Variants in ADAMTS12 observed in about 807,000 individuals in gnomAD.
The protein encoded by ADAMTS12 is A disintegrin and metalloproteinase with thrombospondin motifs 12.
A neutral mutation model predicts 167.8 loss-of-function variants in ADAMTS12; 118 were observed. The ratio of observed to expected loss-of-function variants is 0.70; its 90% CI spans 0.61 to 0.82. ADAMTS12 has a LOEUF of 0.82. Among genes scored for constraint, ADAMTS12 ranks in the 40% least tolerant of loss-of-function variants. ADAMTS12 has a pLI of 0.00. For synonymous variants in ADAMTS12, 704 were observed against 716.9 expected (o/e 0.98, Z 0.29); for missense variants, 1,916 against 1,998.8 (o/e 0.96, Z 0.79).
chr5:33,542,985 CT>C (rs1678213691), intron 22 of ADAMTS12, among the ~76,000 whole-genome samples: 1 of 152,076 alleles, frequency 6.6e-6, no homozygotes, highest in African/African-American at 2.4e-5. Flanking sequence ...AATTCAAAAG[CT>C]AGCAGAAGGC....
intron 3 of ADAMTS12, among the ~76,000 whole-genome samples, chr5:33,717,415 G>A (rs1743653941): frequency 1.3e-5 from 2 of 152,282 alleles, no homozygotes; most frequent in South Asian, 2.1e-4. Flanking sequence ...CCTATCAGAA[G>A]TGCTTTGCAT....
chr5:33,675,769 A>G (rs1741879713), intron 5 of ADAMTS12, among the ~76,000 whole-genome samples: 1 of 152,178 alleles, frequency 6.6e-6, no homozygotes, highest in South Asian at 2.1e-4. Context: ...TCCAAGTCTC[A>G]GAAGGGGTTA....
At chr5:33,763,818 T>C (rs1359894519) in intron 2 of ADAMTS12, among the ~76,000 whole-genome samples, 4 of 152,248 alleles carry the variant, frequency 2.6e-5, no homozygotes, top group African/African-American at 9.6e-5. Flanking sequence ...TGGTTCCAGA[T>C]GCAACACTAC....
intron 2 of ADAMTS12, among the ~76,000 whole-genome samples, chr5:33,754,800 G>A (rs1353589649): frequency 6.6e-6 from 1 of 152,132 alleles, no homozygotes; most frequent in East Asian, 1.9e-4. Flanking sequence ...AGGTTGCAGT[G>A]AGCCGAGATT....
At chr5:33,615,300 C>T (rs1337190070) in intron 15 of ADAMTS12, among the ~76,000 whole-genome samples, 1 of 152,194 alleles carries the variant, frequency 6.6e-6, no homozygotes, top group Non-Finnish European at 1.5e-5. Flanking sequence ...ACTCCTTGGC[C>T]ATCTCTCATC....
intron 2 of ADAMTS12, among the ~76,000 whole-genome samples, chr5:33,875,818 G>A (rs1391937821): frequency 2.6e-5 from 4 of 152,042 alleles, no homozygotes; most frequent in Non-Finnish European, 5.9e-5. Context: ...AAGTAATAAA[G>A]CAAGAAAAGA....
intron 9 of ADAMTS12, among the ~76,000 whole-genome samples, chr5:33,645,037 G>A (rs1740609464): frequency 6.6e-6 from 1 of 152,016 alleles, no homozygotes; most frequent in South Asian, 2.1e-4. Context: ...GCCTAGGGTG[G>A]CTTTATCTAT....
chr5:33,614,200 G>T (rs1181631568), intron 16 of ADAMTS12, 38 bp downstream of exon 16: 1 of 1,605,496 alleles, frequency 6.2e-7, no homozygotes, highest in African/African-American at 1.3e-5. Context: ...CTGCTCTGAG[G>T]CTGGCATGGC....
At chr5:33,835,961 G>A (rs201731693) in intron 2 of ADAMTS12, among the ~76,000 whole-genome samples, 1 of 60,158 alleles carries the variant, frequency 1.7e-5, no homozygotes, top group Non-Finnish European at 3.1e-5. Flanking sequence ...CTCTGTGTGT[G>A]TGTGTGTGTC....
At chr5:33,844,488 A>G (rs892987303) in intron 2 of ADAMTS12, among the ~76,000 whole-genome samples, 4 of 152,312 alleles carry the variant, frequency 2.6e-5, no homozygotes, top group African/African-American at 9.6e-5. Flanking sequence ...GGATGAAATA[A>G]GTCCCAGTCT....
At chr5:33,884,816 C>G (rs1482969966) in intron 1 of ADAMTS12, among the ~76,000 whole-genome samples, 1 of 152,190 alleles carries the variant, frequency 6.6e-6, no homozygotes, top group African/African-American at 2.4e-5. Context: ...GAAAGAGTCC[C>G]ATTTGAATAC....
intron 5 of ADAMTS12, 39 bp downstream of exon 5, chr5:33,682,979 G>T (rs749715591): frequency 1.3e-6 from 2 of 1,559,040 alleles, no homozygotes; most frequent in East Asian, 4.5e-5. Flanking sequence ...TAGGAAGTGC[G>T]AGGACATATA....
intron 2 of ADAMTS12, among the ~76,000 whole-genome samples, chr5:33,857,529 A>G (rs1749452527): frequency 6.6e-6 from 1 of 152,222 alleles, no homozygotes; most frequent in Admixed American, 6.5e-5. Context: ...CAGATCACCA[A>G]GTTGTACATC....
intron 14 of ADAMTS12, among the ~76,000 whole-genome samples, chr5:33,617,788 A>T (rs1286108426): frequency 6.7e-6 from 1 of 148,682 alleles, no homozygotes; most frequent in East Asian, 2.3e-4. Flanking sequence ...ATAAAAACCT[A>T]AATAGAAAAA....
At position 33,829,435 on chromosome 5, in the gene ADAMTS12, C is replaced by G. The variant is rs1748214346; in HGVS notation, c.489+51684G>C. Among the ~76,000 whole-genome samples the G allele has an allele frequency of 5.9e-5, 9 of 152,150 alleles. No homozygotes were observed. The South Asian group carries it at 1.9e-3, about 32-fold the overall frequency. On this transcript the variant is annotated intron_variant, in intron 2 of 23. Transcript: ENST00000504830. ...TGCATACTTTAAACTCACTACTCTT[C>G]TTTCCATCCTTCTTCTCTTCTCACC...
intron 3 of ADAMTS12, among the ~76,000 whole-genome samples, chr5:33,734,730 G>A (rs1016889860): frequency 5.9e-5 from 9 of 152,054 alleles, no homozygotes; most frequent in African/African-American, 2.2e-4. Flanking sequence ...TGAGAGGAAG[G>A]GGCTATAGCC....
intron 1 of ADAMTS12, 147 bp from the exon 2 acceptor site, chr5:33,881,627 T>A: frequency 8.5e-7 from 1 of 1,176,388 alleles, no homozygotes; most frequent in Non-Finnish European, 1.2e-6. Context: ...AATGGCACGA[T>A]CCGGGCTCAC....
rs78692051 is a variant in ADAMTS12, at chr5:33,648,841, G to A, written c.1460C>T (p.Thr487Ile). ...ACTTACTTCTACTTCCTGGCAGAAG[G>A]TAGCATTGGGTCCATATTGTAGCTG... ...QCQLQYGPNA[T>I]FCQEVENVCQ... The change falls in exon 9 of 24, where the codon ACC becomes ATC. Residue 487 changes from threonine to isoleucine, a missense_variant. Coordinates refer to ENST00000504830, the MANE Select transcript of ADAMTS12 (RefSeq NM_030955.4). 4 of 1,613,960 alleles carry A rather than the reference G, an allele frequency of 2.5e-6. No individual in the cohort carries two copies. Among genetic ancestry groups the A allele is most frequent in the African/African-American group, 1.3e-5 (1 of 75,010 alleles).
At chr5:33,555,877 T>C (rs1745467940) in intron 20 of ADAMTS12, among the ~76,000 whole-genome samples, 1 of 152,094 alleles carries the variant, frequency 6.6e-6, no homozygotes, top group Non-Finnish European at 1.5e-5. Context: ...TCCTCCAGAG[T>C]TCAGGAACAC....
Sources: gnomAD v4.1 joint callset for allele counts (sites outside exome capture counted in the v4.1 genomes callset) on GRCh38, gnomAD v4.1.1 for gene constraint, MANE v1.5 for transcripts, NCBI Gene and HGNC (gene_info 2026-07-23, HGNC 2026-07-21) for gene names.